The following HHIPL1 variants were observed in gnomAD, a reference collection of about 807,000 sequenced individuals.
HHIPL1 encodes HHIP like 1.
Under a neutral mutation model 61.8 loss-of-function variants are expected in HHIPL1, and 43 were observed. The ratio of observed to expected loss-of-function variants is 0.70; its 90% CI spans 0.55 to 0.90. HHIPL1 has a LOEUF of 0.90. Among genes scored for constraint, HHIPL1 ranks in the 40% least tolerant of loss-of-function variants. The pLI, the probability that HHIPL1 is intolerant of heterozygous loss-of-function variation, is 0.00. For synonymous variants in HHIPL1, 482 were observed against 515.8 expected, an observed-to-expected ratio of 0.93 and a Z score of 0.89; for missense variants, 1,056 against 1,157.7, an observed-to-expected ratio of 0.91 and a Z score of 1.28.
upstream of HHIPL1, among the ~76,000 whole-genome samples, chr14:99,643,367 T>C (rs1248783457): frequency 6.6e-6 from 1 of 152,250 alleles, no homozygotes; most frequent in Non-Finnish European, 1.5e-5. Flanking sequence ...TTATCTTTTT[T>C]TCATGCCTTG....
intron 7 of HHIPL1, among the ~76,000 whole-genome samples, chr14:99,669,546 C>T (rs1340659043): frequency 1.3e-5 from 2 of 152,146 alleles, no homozygotes; most frequent in Non-Finnish European, 2.9e-5. Flanking sequence ...AGTTCAAGTC[C>T]AGCCCGGGCA....
In HHIPL1 at chr14:99,661,958, C is replaced by A. The variant is rs543927151; in HGVS notation, c.1503-918C>A. Among the ~76,000 whole-genome samples the A allele has an allele frequency of 1.3e-3, 192 of 152,278 alleles. 1 individual carries two copies. Among genetic ancestry groups the A allele is most frequent in the African/African-American group, 4.5e-3 (187 of 41,560 alleles). The stretch of plus-strand genomic sequence containing the variant: ...AGTTGGATTCCTCTCCCAGATCCGC[C>A]CCTTCCCCGGGGACCCAGCTTTCCC... On this transcript the variant is annotated intron_variant, in intron 5 of 8. Transcript: ENST00000330710.
chr14:99,607,958 C>T, the HHIPL1 span, among the ~76,000 whole-genome samples: 7 of 152,114 alleles, frequency 4.6e-5, no homozygotes, highest in East Asian at 1.3e-3. Flanking sequence ...GTGGTAAGTA[C>T]TGCAAATGAG....
At position 99,669,072 on chromosome 14, in the gene HHIPL1, C is replaced by T. The variant is rs562037566; in HGVS notation, c.1730+769C>T. 189 of 1,445,832 alleles carry T rather than the reference C, an allele frequency of 1.3e-4. No homozygotes were observed. The African/African-American group carries it at 1.8e-3, about 14-fold the overall frequency. 89.6% of individuals were successfully genotyped at this position (1,445,832 alleles called of 1,614,324 possible). On this transcript the variant is annotated intron_variant, in intron 7 of 8. Transcript: ENST00000330710. ...ACCTTCCCCAACCCACGTTGCCCTC[C>T]AGGCCTCTGTCCAGCCCTTCCTCAG... is the stretch of plus-strand genomic sequence containing the variant.
chr14:99,631,559 G>A, the HHIPL1 span, among the ~76,000 whole-genome samples: 5 of 152,082 alleles, frequency 3.3e-5, no homozygotes, highest in Admixed American at 2.0e-4. Context: ...GTACACACAC[G>A]TGGGGTTGGA....
intron 5 of HHIPL1, among the ~76,000 whole-genome samples, chr14:99,661,966 C>G (rs1206777475): frequency 6.6e-6 from 1 of 152,156 alleles, no homozygotes; most frequent in South Asian, 2.1e-4. Flanking sequence ...GCCCCTTCCC[C>G]GGGGACCCAG....
At chr14:99,648,145 A>C (rs550798108) in intron 1 of HHIPL1, among the ~76,000 whole-genome samples, 3 of 152,188 alleles carry the variant, frequency 2.0e-5, no homozygotes, top group African/African-American at 7.2e-5. Flanking sequence ...CCCCTTCATC[A>C]CTTCAGGAGA....
At chr14:99,616,372 C>T in the HHIPL1 span, among the ~76,000 whole-genome samples, 1 of 152,170 alleles carries the variant, frequency 6.6e-6, no homozygotes, top group Non-Finnish European at 1.5e-5. Flanking sequence ...GTGACTGTAG[C>T]ATAATATGTA....
chr14:99,608,473 G>C, the HHIPL1 span, among the ~76,000 whole-genome samples: 1 of 152,152 alleles, frequency 6.6e-6, no homozygotes, highest in Non-Finnish European at 1.5e-5. Context: ...AAGAAGCTCA[G>C]CTCATTGGGC....
the HHIPL1 span, among the ~76,000 whole-genome samples, chr14:99,615,610 GAAGGAAGAAAGA>G: frequency 1.6e-4 from 23 of 147,782 alleles, no homozygotes; most frequent in Admixed American, 1.0e-3. Context: ...GAGAGGAAAG[GAAGGAAGAAAGA>G]AAGGAAGAAA....
At chr14:99,674,990 G>C in intron 8 of HHIPL1, 101 bp from the exon 9 acceptor site, 1 of 569,950 alleles carries the variant, frequency 1.8e-6, no homozygotes, top group Non-Finnish European at 2.3e-6. Flanking sequence ...CCTTCCCCGA[G>C]TCTGCGCTCT....
chr14:99,638,176 C>T, the HHIPL1 span, among the ~76,000 whole-genome samples: 7 of 152,304 alleles, frequency 4.6e-5, no homozygotes, highest in South Asian at 2.1e-4. Context: ...ACAGGTATCC[C>T]GGCTACCAGA....
At chr14:99,639,159 C>T in the HHIPL1 span, among the ~76,000 whole-genome samples, 388 of 152,344 alleles carry the variant, frequency 2.5e-3, no homozygotes, top group African/African-American at 8.9e-3. Context: ...ACCGGGGAAC[C>T]GGGTTCTGGC....
chr14:99,621,709 C>T, the HHIPL1 span, among the ~76,000 whole-genome samples: 76 of 84,524 alleles, frequency 9.0e-4, no homozygotes, highest in East Asian at 9.1e-3. Context: ...CTTTTCTTTT[C>T]TTTTTTTTTT....
intron 2 of HHIPL1, among the ~76,000 whole-genome samples, chr14:99,655,941 A>G (rs537955289): frequency 2.6e-5 from 4 of 152,262 alleles, no homozygotes; most frequent in Non-Finnish European, 5.9e-5. Flanking sequence ...TGCAGCCACC[A>G]CTTCCGGAGG....
Position 99,675,401 on chromosome 14 carries a change from C to T in HHIPL1, c.2124C>T (p.Gly708=), listed in dbSNP as rs1331040993. The T allele has an allele frequency of 1.3e-6, 2 of 1,527,604 alleles. No homozygotes were observed. The highest frequency in any genetic ancestry group is 2.5e-5 in the East Asian group (1 of 40,294). The allele number at this position is 1,527,604 out of a possible 1,614,324, so 94.6% of individuals were successfully genotyped here. A position where few individuals can be genotyped will look rare whatever the true frequency, so the allele number is the denominator to read the frequency against. Reference sequence around the variant, plus strand: ...GCGACGACTCCTGGAACATCAGCGGCGCCGCCGTCGTGTGTCGCCAGCTGG... The same window carrying T: ...GCGACGACTCCTGGAACATCAGCGGTGCCGCCGTCGTGTGTCGCCAGCTGG... ...TVCDDSWNIS[G]AAVVCRQLGF... is the part of the protein sequence containing the mutation. Residue 708 remains glycine, a synonymous_variant, in exon 9 of 9, where the codon GGC becomes GGT. Coordinates refer to ENST00000330710, the MANE Select transcript of HHIPL1 (RefSeq NM_001127258.3). This position sits in a 1 kb window ranked among gnomAD's most constrained non-coding sequence, Gnocchi z 5.4.
At chr14:99,669,231 A>G in intron 7 of HHIPL1, 2 of 1,174,570 alleles carry the variant, frequency 1.7e-6, no homozygotes, top group East Asian at 8.2e-5. Flanking sequence ...GGCACGGAGC[A>G]GAGACTCAGG....
upstream of HHIPL1, among the ~76,000 whole-genome samples, chr14:99,642,649 C>T (rs141196960): frequency 6.6e-4 from 101 of 152,146 alleles, 1 homozygote; most frequent in East Asian, 0.019. Context: ...CCTCGGCCTC[C>T]CAAGTAGCTG....
intron 7 of HHIPL1, among the ~76,000 whole-genome samples, chr14:99,671,638 C>T (rs1012555341): frequency 2.0e-5 from 3 of 152,200 alleles, no homozygotes; most frequent in South Asian, 2.1e-4. Flanking sequence ...CTAATTAAAA[C>T]GGAATTCCAT....
Sources: allele counts gnomAD v4.1 joint callset (sites outside exome capture counted in the v4.1 genomes callset), GRCh38; gene constraint gnomAD v4.1.1; non-coding constraint Gnocchi (gnomAD v3.1); transcripts MANE v1.5; gene names NCBI Gene and HGNC (gene_info 2026-07-23, HGNC 2026-07-21).